Variants in MDGA2 observed in about 807,000 individuals in gnomAD.
MDGA2 encodes MAM domain containing glycosylphosphatidylinositol anchor 2.
In MDGA2, 40 loss-of-function variants were observed where a neutral mutation model predicts 117.8. The ratio of observed to expected loss-of-function variants is 0.34; its 90% CI spans 0.26 to 0.44. The LOEUF is 0.44. Among genes scored for constraint, MDGA2 ranks in the 20% least tolerant of loss-of-function variants. The pLI, the probability that MDGA2 is intolerant of heterozygous loss-of-function variation, is 1.00. For missense variants in MDGA2, 1,123 were observed against 1,250.6 expected (o/e 0.90, Z 1.54); for synonymous variants, 452 against 439.0 (o/e 1.03, Z -0.37).
intron 1 of MDGA2, among the ~76,000 whole-genome samples, chr14:47,499,321 T>C (rs1458549081): frequency 6.6e-6 from 1 of 152,154 alleles, no homozygotes; most frequent in Admixed American, 6.5e-5. Context: ...AGGTGAGCTT[T>C]ATCCTTTATT....
At chr14:47,427,805 G>T (rs1421031047) in intron 1 of MDGA2, among the ~76,000 whole-genome samples, 1 of 151,830 alleles carries the variant, frequency 6.6e-6, no homozygotes, top group Admixed American at 6.6e-5. Flanking sequence ...GCCTCACATG[G>T]CTCTGCTAAA....
rs563809514 is a variant in MDGA2, at chr14:47,268,205, T to A, written c.420+33206A>T. On this transcript the variant is annotated intron_variant, in intron 2 of 16. Transcript: ENST00000399232. The stretch of plus-strand genomic sequence containing the variant: ...CTCCTGTCTCAGCCTCCTGAGTAGC[T>A]GGGGTTACAGGCATGTGCCACTGCA... Among the ~76,000 whole-genome samples, 4 of 152,068 alleles carry A rather than the reference T, an allele frequency of 2.6e-5. No homozygotes were observed. The East Asian group carries it at 7.7e-4, about 29-fold the overall frequency.
rs193259535 is a variant in MDGA2, at chr14:47,158,154, C to G, written c.596-13880G>C. Among the ~76,000 whole-genome samples, 136 of 152,176 alleles carry G rather than the reference C, an allele frequency of 8.9e-4. 1 individual carries two copies. The highest frequency in any genetic ancestry group is 1.1e-3 in the Non-Finnish European group (74 of 68,016). On this transcript the variant is annotated intron_variant, in intron 3 of 16. Coordinates refer to ENST00000399232, the MANE Select transcript of MDGA2 (RefSeq NM_001113498.3). ...ATTGTAGTTTTTCTGTTTAGATACACAAATATATATCACTGTGTTACGACT... is the reference window on the plus strand; with the variant it reads ...ATTGTAGTTTTTCTGTTTAGATACAGAAATATATATCACTGTGTTACGACT...
In MDGA2 at chr14:46,957,417, G is replaced by A; in HGVS notation, c.2046C>T (p.Ile682=). The change falls in exon 9 of 17, where the codon ATC becomes ATT. Residue 682 remains isoleucine, a synonymous_variant. Coordinates refer to ENST00000399232, the MANE Select transcript of MDGA2 (RefSeq NM_001113498.3). ...ATCTCCCAGCTCCAGCTTCATTTAT[G>A]ATGCTACAGTTATAAACCCCATAGT... ...NENYGVYNCS[I]INEAGAGRCS... The A allele has an allele frequency of 1.2e-6, 2 of 1,614,058 alleles. No homozygotes were observed. Among genetic ancestry groups the A allele is most frequent in the Non-Finnish European group, 1.7e-6 (2 of 1,179,944 alleles).
chr14:47,498,392 T>A (rs1298886988), intron 1 of MDGA2, among the ~76,000 whole-genome samples: 1 of 152,170 alleles, frequency 6.6e-6, no homozygotes, highest in Non-Finnish European at 1.5e-5. Flanking sequence ...GAGCAAAGGA[T>A]AAATATTTTT....
intron 1 of MDGA2, among the ~76,000 whole-genome samples, chr14:47,563,578 G>GTTTTTTTTTTTT (rs56244321): frequency 1.1e-4 from 6 of 56,944 alleles, no homozygotes; most frequent in Non-Finnish European, 1.3e-4. Flanking sequence ...GCTTTTTTCT[G>GTTTTTTTTTTTT]TTTTTTTTTT....
At chr14:47,269,442 T>C (rs1888073678) in intron 2 of MDGA2, among the ~76,000 whole-genome samples, 5 of 152,250 alleles carry the variant, frequency 3.3e-5, no homozygotes, top group African/African-American at 1.2e-4. Flanking sequence ...CAGAGGACTT[T>C]GTGTCTTCAT....
intron 7 of MDGA2, among the ~76,000 whole-genome samples, chr14:47,035,889 A>ATT (rs1555345311): frequency 1.2e-4 from 18 of 152,138 alleles, no homozygotes; most frequent in Non-Finnish European, 2.6e-4. Flanking sequence ...TTTTGATGTC[A>ATT]TTGTAAATAG....
intron 1 of MDGA2, among the ~76,000 whole-genome samples, chr14:47,503,387 T>A (rs1168806918): frequency 1.3e-5 from 2 of 151,596 alleles, no homozygotes; most frequent in Non-Finnish European, 2.9e-5. Flanking sequence ...AATTAATTGA[T>A]TCACCACTCT....
At chr14:47,036,231 C>G (rs937363310) in intron 7 of MDGA2, among the ~76,000 whole-genome samples, 2 of 134,564 alleles carry the variant, frequency 1.5e-5, no homozygotes, top group Non-Finnish European at 3.0e-5. Flanking sequence ...GATTGCACCA[C>G]TGCACTCCAG....
At chr14:47,408,964 G>A (rs546335423) in intron 1 of MDGA2, among the ~76,000 whole-genome samples, 1 of 152,284 alleles carries the variant, frequency 6.6e-6, no homozygotes, top group Non-Finnish European at 1.5e-5. Context: ...AAAAGGACCT[G>A]AGAGAGGAAA....
intron 2 of MDGA2, among the ~76,000 whole-genome samples, chr14:47,272,362 A>C (rs1381789989): frequency 2.6e-5 from 4 of 152,164 alleles, no homozygotes; most frequent in Non-Finnish European, 5.9e-5. Flanking sequence ...TGGCCAAGCT[A>C]TCTCTGATAC....
At chr14:46,977,210 A>G (rs1886496699) in intron 8 of MDGA2, among the ~76,000 whole-genome samples, 1 of 151,862 alleles carries the variant, frequency 6.6e-6, no homozygotes, top group Admixed American at 6.6e-5. Flanking sequence ...TATCAGAAAA[A>G]AAGCCGATTT....
intron 2 of MDGA2, among the ~76,000 whole-genome samples, chr14:47,295,714 G>A (rs1889041552): frequency 6.6e-6 from 1 of 152,034 alleles, no homozygotes; most frequent in Non-Finnish European, 1.5e-5. Flanking sequence ...GACCAGCCTG[G>A]CCTACATGGG....
intron 1 of MDGA2, among the ~76,000 whole-genome samples, chr14:47,526,717 C>T (rs1267163745): frequency 6.6e-6 from 1 of 152,144 alleles, no homozygotes; most frequent in Non-Finnish European, 1.5e-5. Context: ...ATTTCTTCTT[C>T]ACCCTCAAGT....
chr14:46,980,391 C>G (rs1195016529), intron 8 of MDGA2, among the ~76,000 whole-genome samples: 1 of 152,078 alleles, frequency 6.6e-6, no homozygotes, highest in Admixed American at 6.6e-5. Context: ...TATGGAGAAG[C>G]AAAGATAGTG....
intron 1 of MDGA2, among the ~76,000 whole-genome samples, chr14:47,335,277 T>C (rs975843031): frequency 2.0e-5 from 2 of 99,542 alleles, no homozygotes; most frequent in Non-Finnish European, 4.1e-5. Flanking sequence ...AAAAAAAAAG[T>C]ATATGGTAAA....
Position 47,510,680 on chromosome 14 carries a change from C to G in MDGA2, c.280+163837G>C, listed in dbSNP as rs565634702. On this transcript the variant is annotated intron_variant, in intron 1 of 16. Coordinates refer to ENST00000399232, the MANE Select transcript of MDGA2 (RefSeq NM_001113498.3). ...AGGTGATATAAGGATAAATGGGAAG[C>G]CTTCCAGTGATTTTCCATTGTGATT... is the stretch of plus-strand genomic sequence containing the variant. Among the ~76,000 whole-genome samples the G allele has an allele frequency of 1.2e-4, 18 of 152,290 alleles. No individual in the cohort carries two copies. The East Asian group carries it at 2.3e-3, about 20-fold the overall frequency.
At chr14:47,338,681 A>G (rs1298659420) in intron 1 of MDGA2, among the ~76,000 whole-genome samples, 1 of 152,086 alleles carries the variant, frequency 6.6e-6, no homozygotes, top group African/African-American at 2.4e-5. Flanking sequence ...GGACACCTCA[A>G]CATTCTACTC....
Sources: allele counts gnomAD v4.1 joint callset (sites outside exome capture counted in the v4.1 genomes callset), GRCh38; gene constraint gnomAD v4.1.1; transcripts MANE v1.5; gene names NCBI Gene and HGNC (gene_info 2026-07-23, HGNC 2026-07-21).